PDS5B: variants seen among roughly 807,000 people sequenced by gnomAD.
The protein encoded by PDS5B is PDS5 cohesin associated factor B.
PDS5B carries 51 observed loss-of-function variants against 184.1 expected under a neutral mutation model. That is an observed-to-expected ratio of 0.28 (90% confidence interval 0.22 to 0.35). The LOEUF (loss-of-function observed/expected upper bound fraction) is 0.35, where lower values mean the gene tolerates loss of function less well. Among genes scored for constraint, PDS5B ranks in the 10% least tolerant of loss-of-function variants. The probability of loss-of-function intolerance (pLI) is 1.00; values close to 1 mark genes in which losing one functional copy is unlikely to be tolerated. For synonymous variants in PDS5B, 566 were observed against 569.2 expected (o/e 0.99, Z 0.08); for missense variants, 1,180 against 1,723.3 (o/e 0.68, Z 5.58).
chr13:32,696,173 T>G (rs1288770264), intron 14 of PDS5B, among the ~76,000 whole-genome samples: 1 of 152,144 alleles, frequency 6.6e-6, no homozygotes, highest in East Asian at 1.9e-4. Flanking sequence ...TTTATTTGAT[T>G]TATTGCTTTC....
chr13:32,649,115 G>T (rs1011098380), intron 2 of PDS5B: 2 of 405,398 alleles, frequency 4.9e-6, no homozygotes, highest in Non-Finnish European at 8.9e-6. Context: ...TCCTATACTT[G>T]GGTATAAAGA....
intron 12 of PDS5B, among the ~76,000 whole-genome samples, chr13:32,688,032 CT>C (rs200121269): frequency 2.0e-5 from 3 of 151,888 alleles, no homozygotes; most frequent in Non-Finnish European, 4.4e-5. Context: ...TTTTGTAGGA[CT>C]TTTTTTTAGT....
At chr13:32,746,709 T>G (rs1953755252) in intron 24 of PDS5B, among the ~76,000 whole-genome samples, 1 of 152,164 alleles carries the variant, frequency 6.6e-6, no homozygotes, top group Non-Finnish European at 1.5e-5. Context: ...TGGCACTGAA[T>G]AGACCTCAAA....
intron 23 of PDS5B, among the ~76,000 whole-genome samples, chr13:32,743,206 A>G (rs998171102): frequency 6.6e-6 from 1 of 152,008 alleles, no homozygotes; most frequent in Non-Finnish European, 1.5e-5. Flanking sequence ...CAGTGTAGTG[A>G]TTGAAAACTA....
intron 14 of PDS5B, among the ~76,000 whole-genome samples, chr13:32,695,310 G>A (rs1354801542): frequency 4.6e-5 from 7 of 151,844 alleles, no homozygotes; most frequent in Admixed American, 4.6e-4. Context: ...TGATTATTGA[G>A]TTTATCGAAC....
intron 1 of PDS5B, among the ~76,000 whole-genome samples, chr13:32,604,051 A>T (rs1005756590): frequency 1.3e-5 from 2 of 152,160 alleles, no homozygotes; most frequent in Non-Finnish European, 2.9e-5. Context: ...TCTTTTCCTA[A>T]TTGAATACAC....
At chr13:32,765,015 G>T (rs1276401161) in intron 31 of PDS5B, among the ~76,000 whole-genome samples, 5 of 152,122 alleles carry the variant, frequency 3.3e-5, no homozygotes, top group African/African-American at 1.2e-4. Flanking sequence ...TAAATAAGCT[G>T]CTGTTAAAGG....
intron 30 of PDS5B, among the ~76,000 whole-genome samples, chr13:32,763,105 A>T (rs1333246227): frequency 6.6e-6 from 1 of 152,146 alleles, no homozygotes; most frequent in Non-Finnish European, 1.5e-5. Context: ...AGGGGAATGA[A>T]GTAGGTATAT....
rs774251785 is a variant in PDS5B, at chr13:32,775,482, A to G, written c.*430A>G. 7 of 351,846 alleles carry G rather than the reference A, an allele frequency of 2.0e-5. No individual in the cohort carries two copies. The highest frequency in any genetic ancestry group is 1.6e-4 in the East Asian group (2 of 12,848). 21.8% of individuals were successfully genotyped at this position (351,846 alleles called of 1,614,324 possible). A position where few individuals can be genotyped will look rare whatever the true frequency, so the allele number is the denominator to read the frequency against. The stretch of plus-strand genomic sequence containing the variant: ...AGTGTTTGTATTTGTATTCTCTGCA[A>G]TTTTACTGTGAAAAAAAATTTGTTT... On this transcript the variant is annotated 3_prime_UTR_variant, in exon 35 of 35. Coordinates refer to ENST00000315596, the MANE Select transcript of PDS5B (RefSeq NM_015032.4).
At chr13:32,751,467 T>G (rs140966288) in intron 24 of PDS5B, among the ~76,000 whole-genome samples, 99 of 152,336 alleles carry the variant, frequency 6.5e-4, no homozygotes, top group African/African-American at 2.1e-3. Context: ...CTAATTTACA[T>G]TCTCACCAGC....
chr13:32,633,655 G>A (rs2058493327), intron 1 of PDS5B, among the ~76,000 whole-genome samples: 1 of 152,156 alleles, frequency 6.6e-6, no homozygotes, highest in Non-Finnish European at 1.5e-5. Context: ...AATTTATTGA[G>A]AAACTTATCA....
chr13:32,747,466 A>G (rs1953794496), intron 24 of PDS5B, among the ~76,000 whole-genome samples: 1 of 151,864 alleles, frequency 6.6e-6, no homozygotes, highest in Non-Finnish European at 1.5e-5. Context: ...AAAAACAGCT[A>G]TTTCGGCCGG....
intron 19 of PDS5B, among the ~76,000 whole-genome samples, chr13:32,718,341 G>A (rs1283899877): frequency 1.3e-5 from 2 of 152,150 alleles, no homozygotes; most frequent in East Asian, 1.9e-4. Context: ...TAATAGAGAC[G>A]GGGTTTCGCT....
At chr13:32,617,800 T>A (rs1005630262) in intron 1 of PDS5B, among the ~76,000 whole-genome samples, 11 of 152,256 alleles carry the variant, frequency 7.2e-5, no homozygotes, top group Admixed American at 1.3e-4. Flanking sequence ...AGTGTGCTGC[T>A]AATCTTACTG....
At chr13:32,642,624 G>A (rs1950127839) in intron 1 of PDS5B, among the ~76,000 whole-genome samples, 1 of 152,142 alleles carries the variant, frequency 6.6e-6, no homozygotes. Context: ...TCATAAGACT[G>A]AAGTGCAAAT....
rs112677524 is a variant in PDS5B, at chr13:32,641,275, T to C, written c.-19-7479T>C. Among the ~76,000 whole-genome samples, 882 of 152,308 alleles carry C rather than the reference T, an allele frequency of 5.8e-3. 14 individuals carry two copies. The highest frequency in any genetic ancestry group is 0.02 in the African/African-American group (831 of 41,566). On this transcript the variant is annotated intron_variant, in intron 1 of 34. Coordinates refer to ENST00000315596, the MANE Select transcript of PDS5B (RefSeq NM_015032.4). ...TGACATTCTGTTTAAGGAGCAGCTC[T>C]GTATCAATACCTGTTTTTCATTGAC...
At chr13:32,693,837 A>C (rs1264679494) in intron 13 of PDS5B, among the ~76,000 whole-genome samples, 5 of 151,636 alleles carry the variant, frequency 3.3e-5, no homozygotes, top group Admixed American at 3.3e-4. Context: ...ATAATTCCAG[A>C]CTGTTTACAA....
chr13:32,758,336 T>C, intron 27 of PDS5B, 117 bp downstream of exon 27: 1 of 945,828 alleles, frequency 1.1e-6, no homozygotes, highest in Admixed American at 3.0e-5. Context: ...TATTAGTAAT[T>C]AGAATTACGT....
intron 9 of PDS5B, among the ~76,000 whole-genome samples, chr13:32,676,532 T>G (rs757879031): frequency 6.6e-6 from 1 of 152,118 alleles, no homozygotes; most frequent in Non-Finnish European, 1.5e-5. Context: ...CTTGAAATAT[T>G]AAAAGCCCGA....
Sources: allele counts gnomAD v4.1 joint callset (sites outside exome capture counted in the v4.1 genomes callset), GRCh38; gene constraint gnomAD v4.1.1; transcripts MANE v1.5; gene names NCBI Gene and HGNC (gene_info 2026-07-23, HGNC 2026-07-21).